MEG3: variants seen among roughly 807,000 people sequenced by gnomAD.
MEG3 encodes the protein Very putative protein from MEG3 locus.
At chr14:100,859,204 C>G (rs181615437) in exon 1 of MEG3, 2 of 152,206 alleles carry the variant, frequency 1.3e-5, no homozygotes, top group Non-Finnish European at 2.9e-5. Flanking sequence ...CTAGCGTACG[C>G]GCATTTGTTT....
At chr14:100,826,544 C>T (rs947355952) in intron 1 of MEG3, among the ~76,000 whole-genome samples, 1 of 152,184 alleles carries the variant, frequency 6.6e-6, no homozygotes, top group Non-Finnish European at 1.5e-5. Flanking sequence ...ACGGCAGTCA[C>T]TGGGGGGCGA....
In MEG3 at chr14:100,845,614, C is replaced by T. The variant is rs886878257; in HGVS notation, n.3121+81C>T. ...CAGCTGCCCGGAGCACACCGCCAGG[C>T]GGACCTCGTGGAGGGGCTGGCGGGC... On this transcript the variant is annotated intron_variant and non_coding_transcript_variant, in intron 3 of 3. Coordinates refer to the MEG3 transcript ENST00000398461. The surrounding 1 kb of genome is among the most constrained non-coding windows in gnomAD (Gnocchi z 5.2). 1.9e-5 allele frequency: 8 copies of T among 415,020 alleles called. No homozygotes were observed. The highest frequency in any genetic ancestry group is 7.3e-5 in the East Asian group (1 of 13,608). 25.7% of individuals were successfully genotyped at this position (415,020 alleles called of 1,614,324 possible). A position where few individuals can be genotyped will look rare whatever the true frequency, so the allele number is the denominator to read the frequency against.
chr14:100,828,933 T>G (rs940751529), intron 2 of MEG3: 2 of 152,188 alleles, frequency 1.3e-5, no homozygotes, highest in African/African-American at 2.4e-5. Flanking sequence ...CAATTTTAAA[T>G]TTTAACTAAT....
At chr14:100,842,289 CCTAATTCTCT>C (rs2139973915) in intron 2 of MEG3, among the ~76,000 whole-genome samples, 1 of 152,264 alleles carries the variant, frequency 6.6e-6, no homozygotes, top group African/African-American at 2.4e-5. Flanking sequence ...CCAAATAGGC[CCTAATTCTCT>C]CTAATTGCCC....
At chr14:100,838,973 A>G (rs552810012) in intron 2 of MEG3, among the ~76,000 whole-genome samples, 91 of 152,284 alleles carry the variant, frequency 6.0e-4, no homozygotes, top group African/African-American at 2.1e-3. Context: ...CATTTCTCCA[A>G]ATAATGTCAA....
intron 2 of MEG3, among the ~76,000 whole-genome samples, chr14:100,840,957 A>G (rs569060294): frequency 4.3e-4 from 65 of 152,268 alleles, no homozygotes; most frequent in African/African-American, 1.5e-3. Context: ...CTGGCAGTGG[A>G]CATAGAGTGA....
intron 2 of MEG3, among the ~76,000 whole-genome samples, chr14:100,841,077 G>A (rs1484967682): frequency 2.0e-5 from 3 of 152,228 alleles, no homozygotes; most frequent in Non-Finnish European, 2.9e-5. Flanking sequence ...ATGGTGGGCA[G>A]CTGCGAGAGA....
chr14:100,860,575 G>GC (rs1168075802), intron 1 of MEG3: 1 of 445,132 alleles, frequency 2.2e-6, no homozygotes, highest in African/African-American at 2.0e-5. Flanking sequence ...GAGCCCGTGA[G>GC]CAGGGACTTG....
At chr14:100,841,767 C>G (rs148784097) in intron 2 of MEG3, among the ~76,000 whole-genome samples, 4 of 152,326 alleles carry the variant, frequency 2.6e-5, no homozygotes, top group East Asian at 1.9e-4. Flanking sequence ...AACAGGCAGG[C>G]TGCTGGTCTG....
chr14:100,836,618 C>G (rs75848022), intron 2 of MEG3, among the ~76,000 whole-genome samples: 39 of 151,734 alleles, frequency 2.6e-4, no homozygotes, highest in African/African-American at 9.4e-4. Flanking sequence ...GCCCTCAGTA[C>G]GGCTTTGCTG....
At chr14:100,830,135 T>G (rs2037356045), downstream of MEG3, 2 of 152,220 alleles carry the variant, frequency 1.3e-5, no homozygotes, top group African/African-American at 4.8e-5. Flanking sequence ...GGCCCAGAGT[T>G]ATACTAAGAG....
chr14:100,848,404 A>G (rs1174426924), intron 3 of MEG3: 1 of 152,242 alleles, frequency 6.6e-6, no homozygotes, highest in Non-Finnish European at 1.5e-5. Context: ...TGTAAAAATA[A>G]GTATTTACAT....
chr14:100,827,795 C>A (rs575899898), intron 1 of MEG3, among the ~76,000 whole-genome samples: 1 of 152,292 alleles, frequency 6.6e-6, no homozygotes, highest in South Asian at 2.1e-4. Context: ...CCGAGACCAC[C>A]CACATGCGTG....
In MEG3 at chr14:100,837,301, G is replaced by A. The variant is rs1029555677; in HGVS notation, n.3045+1001G>A. On this transcript the variant is annotated intron_variant and non_coding_transcript_variant, in intron 2 of 3. Coordinates refer to the MEG3 transcript ENST00000398461. The surrounding 1 kb of genome is among the most constrained non-coding windows in gnomAD (Gnocchi z 5.8). Reference sequence around the variant, plus strand: ...GAGTCTGTGGCTCACTCAGGGCGATGGGGTGTTTTTAGAGCCACTGCCCTG... The same window carrying A: ...GAGTCTGTGGCTCACTCAGGGCGATAGGGTGTTTTTAGAGCCACTGCCCTG... Among the ~76,000 whole-genome samples the A allele has an allele frequency of 2.4e-4, 36 of 152,324 alleles. No homozygotes were observed. The highest frequency in any genetic ancestry group is 8.7e-4 in the African/African-American group (36 of 41,584).
chr14:100,831,078 C>T (rs1412203052), downstream of MEG3: 2 of 153,034 alleles, frequency 1.3e-5, no homozygotes, highest in African/African-American at 2.4e-5. Flanking sequence ...GCTGTAAAAT[C>T]GAGAGTCCTG....
At chr14:100,851,416 A>G (rs1051446427) in intron 3 of MEG3, 1 of 152,200 alleles carries the variant, frequency 6.6e-6, no homozygotes, top group Non-Finnish European at 1.5e-5. Flanking sequence ...ACTCACATCC[A>G]GGGGTTGGTG....
At chr14:100,832,093 A>G (rs1024162283), downstream of MEG3, 13 of 146,742 alleles carry the variant, frequency 8.9e-5, no homozygotes, top group South Asian at 8.8e-4. Context: ...GAAGAGAATA[A>G]CTAAACAAAG....
chr14:100,835,866 G>A (rs1029373357), exon 1 of MEG3: 7 of 270,994 alleles, frequency 2.6e-5, no homozygotes, highest in Non-Finnish European at 3.5e-5. Flanking sequence ...GAGACCCCTC[G>A]TGATCGTGCC....
chr14:100,860,068 C>A, exon 1 of MEG3: 1 of 154,072 alleles, frequency 6.5e-6, no homozygotes. Context: ...TCCTGGTGGG[C>A]CCGGACCGCT....
Sources: gnomAD v4.1 joint callset for allele counts (sites outside exome capture counted in the v4.1 genomes callset) on GRCh38, gnomAD v4.1.1 for gene constraint, Gnocchi (gnomAD v3.1) non-coding constraint, MANE v1.5 for transcripts, NCBI Gene and HGNC (gene_info 2026-07-23, HGNC 2026-07-21) for gene names.